The following GALNT13 variants were observed in gnomAD, a reference collection of about 807,000 sequenced individuals.
GALNT13 encodes polypeptide N-acetylgalactosaminyltransferase 13.
In GALNT13, 28 loss-of-function variants were observed where a neutral mutation model predicts 64.2. The ratio of observed to expected loss-of-function variants is 0.44; its 90% CI spans 0.32 to 0.60. GALNT13 has a LOEUF of 0.60. GALNT13 is among the 20% of genes least tolerant of loss of function. The probability of loss-of-function intolerance (pLI) is 0.05; values close to 1 mark genes in which losing one functional copy is unlikely to be tolerated. For synonymous variants in GALNT13, 214 were observed against 224.6 expected, an observed-to-expected ratio of 0.95 and a Z score of 0.42; for missense variants, 577 against 669.8, an observed-to-expected ratio of 0.86 and a Z score of 1.53.
the GALNT13 span, among the ~76,000 whole-genome samples, chr2:153,117,921 A>G: frequency 3.3e-5 from 5 of 152,192 alleles, no homozygotes; most frequent in African/African-American, 9.6e-5. Context: ...ACGAACTCCA[A>G]AAGTTTCCTA....
intron 3 of GALNT13, among the ~76,000 whole-genome samples, chr2:154,035,178 CAT>C (rs1367062170): frequency 5.9e-5 from 9 of 152,194 alleles, no homozygotes; most frequent in Admixed American, 3.3e-4. Context: ...TACACACACA[CAT>C]AGACACACTT....
the GALNT13 span, among the ~76,000 whole-genome samples, chr2:153,781,600 T>A: frequency 6.6e-6 from 1 of 152,170 alleles, no homozygotes; most frequent in African/African-American, 2.4e-5. Context: ...AGTGGGCTTT[T>A]GTGTGTACAT....
intron 3 of GALNT13, among the ~76,000 whole-genome samples, chr2:153,976,089 C>T (rs1156824757): frequency 6.6e-6 from 1 of 151,994 alleles, no homozygotes; most frequent in Non-Finnish European, 1.5e-5. Flanking sequence ...TTTATGACAG[C>T]TCTTATCTTG....
intron 2 of GALNT13, among the ~76,000 whole-genome samples, chr2:153,914,537 A>G (rs1689198356): frequency 6.6e-6 from 1 of 151,492 alleles, no homozygotes; most frequent in Admixed American, 6.6e-5. Context: ...AATAGCATAT[A>G]TTTGATTGAG....
At chr2:154,226,934 T>G (rs1410035113) in intron 4 of GALNT13, among the ~76,000 whole-genome samples, 1 of 152,124 alleles carries the variant, frequency 6.6e-6, no homozygotes, top group Non-Finnish European at 1.5e-5. Context: ...TAGAAATAAA[T>G]GGAAACAGTA....
the GALNT13 span, among the ~76,000 whole-genome samples, chr2:153,671,297 G>C: frequency 7.2e-5 from 11 of 152,192 alleles, no homozygotes; most frequent in Non-Finnish European, 1.5e-4. Flanking sequence ...AGTGCAGCCA[G>C]AGAGAAAGGT....
the GALNT13 span, among the ~76,000 whole-genome samples, chr2:153,399,147 G>C: frequency 7.3e-6 from 1 of 137,346 alleles, no homozygotes; most frequent in African/African-American, 2.8e-5. Context: ...CATATGGCTA[G>C]CCAGTTTTCC....
intron 3 of GALNT13, among the ~76,000 whole-genome samples, chr2:154,043,451 T>TACAC (rs1403298945): frequency 1.8e-4 from 20 of 113,584 alleles, no homozygotes; most frequent in African/African-American, 4.4e-4. Context: ...TATATATATA[T>TACAC]ATATACACAC....
At chr2:153,764,705 C>T in the GALNT13 span, among the ~76,000 whole-genome samples, 1 of 152,202 alleles carries the variant, frequency 6.6e-6, no homozygotes, top group Non-Finnish European at 1.5e-5. Context: ...AAAATGTCTC[C>T]AGGCCATGTC....
chr2:154,010,303 A>C (rs989313216), intron 3 of GALNT13, among the ~76,000 whole-genome samples: 13 of 152,084 alleles, frequency 8.5e-5, no homozygotes, highest in African/African-American at 2.9e-4. Flanking sequence ...AACATGAAGG[A>C]ATTTTGAATT....
chr2:153,695,230 A>T, the GALNT13 span, among the ~76,000 whole-genome samples: 18 of 152,328 alleles, frequency 1.2e-4, no homozygotes, highest in Admixed American at 2.6e-4. Flanking sequence ...TCAAAATTCT[A>T]GACTCCCAGA....
intron 11 of GALNT13, among the ~76,000 whole-genome samples, chr2:154,415,384 C>T (rs1185280696): frequency 6.6e-6 from 1 of 151,992 alleles, no homozygotes; most frequent in Non-Finnish European, 1.5e-5. Context: ...ATTCACAACC[C>T]TAGTGAATGC....
the GALNT13 span, among the ~76,000 whole-genome samples, chr2:153,282,875 T>C: frequency 6.6e-6 from 1 of 152,210 alleles, no homozygotes; most frequent in Non-Finnish European, 1.5e-5. Flanking sequence ...ATTCCCTTCT[T>C]AGATGGTGTG....
intron 3 of GALNT13, among the ~76,000 whole-genome samples, chr2:153,977,506 A>C (rs1233595482): frequency 6.6e-6 from 1 of 152,078 alleles, no homozygotes; most frequent in Non-Finnish European, 1.5e-5. Context: ...TCACTAACTC[A>C]CTATCAGAAG....
At chr2:154,427,138 A>T (rs1700507398) in intron 11 of GALNT13, among the ~76,000 whole-genome samples, 1 of 152,210 alleles carries the variant, frequency 6.6e-6, no homozygotes, top group South Asian at 2.1e-4. Flanking sequence ...AATTTGGCTT[A>T]TTCAGTCTGT....
At chr2:153,763,398 C>T in the GALNT13 span, among the ~76,000 whole-genome samples, 1 of 152,134 alleles carries the variant, frequency 6.6e-6, no homozygotes, top group Admixed American at 6.5e-5. Flanking sequence ...GTGTCAAGAG[C>T]AGGGCCAGGT....
chr2:154,402,199 G>C (rs1340795773), intron 10 of GALNT13, among the ~76,000 whole-genome samples: 1 of 152,172 alleles, frequency 6.6e-6, no homozygotes, highest in Non-Finnish European at 1.5e-5. Context: ...CTTATCTTTA[G>C]AATGGATTTT....
chr2:153,674,432 A>T, the GALNT13 span, among the ~76,000 whole-genome samples: 2 of 152,322 alleles, frequency 1.3e-5, no homozygotes, highest in East Asian at 3.9e-4. Flanking sequence ...GACAAACCTG[A>T]CAAAAAAAGC....
the GALNT13 span, among the ~76,000 whole-genome samples, chr2:153,393,365 C>G: frequency 6.6e-6 from 1 of 151,834 alleles, no homozygotes; most frequent in Non-Finnish European, 1.5e-5. Flanking sequence ...TACTATTCAC[C>G]AAATATTTCT....
Sources: allele counts gnomAD v4.1 joint callset (sites outside exome capture counted in the v4.1 genomes callset), GRCh38; gene constraint gnomAD v4.1.1; transcripts MANE v1.5; gene names NCBI Gene and HGNC (gene_info 2026-07-23, HGNC 2026-07-21).